Variants in TMEM196 observed in about 807,000 individuals in gnomAD.
TMEM196 encodes transmembrane protein 196.
A neutral mutation model predicts 20.0 loss-of-function variants in TMEM196; 17 were observed. That is an observed-to-expected ratio of 0.85 (90% CI 0.58 to 1.27). TMEM196 has a LOEUF of 1.27. TMEM196 is among the 50% of genes most tolerant of loss of function. The pLI, the probability that TMEM196 is intolerant of heterozygous loss-of-function variation, is 0.00. For missense variants in TMEM196, 267 were observed against 223.0 expected, an observed-to-expected ratio of 1.20 and a Z score of -1.26; for synonymous variants, 113 against 88.9, an observed-to-expected ratio of 1.27 and a Z score of -1.52.
chr7:19,768,801 C>T (rs1785739336), intron 1 of TMEM196, among the ~76,000 whole-genome samples: 1 of 152,080 alleles, frequency 6.6e-6, no homozygotes. Flanking sequence ...AAAAATTTAT[C>T]ACAGGAAGCA....
intron 1 of TMEM196, among the ~76,000 whole-genome samples, chr7:19,734,471 G>T: frequency 6.6e-6 from 1 of 152,280 alleles, no homozygotes; most frequent in East Asian, 1.9e-4. Flanking sequence ...CTTGAGATGG[G>T]GAGATTATTG....
intron 1 of TMEM196, among the ~76,000 whole-genome samples, chr7:19,769,665 A>C (rs1280630581): frequency 6.6e-6 from 1 of 152,128 alleles, no homozygotes; most frequent in Non-Finnish European, 1.5e-5. Flanking sequence ...TCCTGCATCC[A>C]TGAATACAAA....
chr7:19,722,825 AT>A (rs1432443970), intron 4 of TMEM196, among the ~76,000 whole-genome samples: 7 of 152,196 alleles, frequency 4.6e-5, no homozygotes, highest in African/African-American at 1.7e-4. Flanking sequence ...GAAATACATT[AT>A]GAAAAATTTT....
chr7:19,727,181 C>T (rs1305025473), intron 2 of TMEM196, among the ~76,000 whole-genome samples: 1 of 152,182 alleles, frequency 6.6e-6, no homozygotes, highest in African/African-American at 2.4e-5. Flanking sequence ...GCTGGCATTA[C>T]AATCAATCAT....
intron 1 of TMEM196, among the ~76,000 whole-genome samples, chr7:19,743,683 C>T (rs1029289843): frequency 2.6e-5 from 4 of 152,048 alleles, no homozygotes; most frequent in African/African-American, 9.7e-5. Context: ...CTTGAAATTT[C>T]CTGAGGGAGA....
intron 1 of TMEM196, among the ~76,000 whole-genome samples, chr7:19,770,259 G>T (rs1785816775): frequency 6.6e-6 from 1 of 152,022 alleles, no homozygotes; most frequent in African/African-American, 2.4e-5. Flanking sequence ...GTACCATTTT[G>T]TTTCCTCCAC....
At chr7:19,761,094 C>A (rs1348112875) in intron 1 of TMEM196, among the ~76,000 whole-genome samples, 2 of 152,180 alleles carry the variant, frequency 1.3e-5, no homozygotes, top group African/African-American at 4.8e-5. Context: ...CCTGGGCTCA[C>A]AATCCAGATC....
At chr7:19,760,872 A>G (rs1785407783) in intron 1 of TMEM196, among the ~76,000 whole-genome samples, 1 of 152,178 alleles carries the variant, frequency 6.6e-6, no homozygotes, top group South Asian at 2.1e-4. Context: ...AGAACCGAGG[A>G]GAGTAAGCGG....
intron 1 of TMEM196, among the ~76,000 whole-genome samples, chr7:19,741,234 A>C (rs763695595): frequency 1.7e-4 from 26 of 152,164 alleles, no homozygotes; most frequent in Non-Finnish European, 2.5e-4. Context: ...TTCGTTTGCA[A>C]TTACTGGCAT....
intron 1 of TMEM196, among the ~76,000 whole-genome samples, chr7:19,754,217 A>G (rs1242451453): frequency 1.3e-5 from 2 of 152,224 alleles, no homozygotes; most frequent in Non-Finnish European, 2.9e-5. Context: ...ATAGCTGTAA[A>G]TGTTAAATAA....
chr7:19,720,300 A>T lies in TMEM196; in HGVS notation c.*1828T>A, dbSNP rs2285924. 0.2 allele frequency: 29,779 copies of T among 151,922 alleles called. 3,124 individuals carry two copies. The highest frequency in any genetic ancestry group is 0.32 in the East Asian group (1,656 of 5,176). The allele number at this position is 151,922 out of a possible 1,614,324, so 9.4% of individuals were successfully genotyped here. Reference sequence around the variant, plus strand: ...TTTCTGTTGAATAGATGACAGCCAGAATTTTAAGTGAGCTGATTTAAATAG... The same window carrying T: ...TTTCTGTTGAATAGATGACAGCCAGTATTTTAAGTGAGCTGATTTAAATAG... On this transcript the variant is annotated 3_prime_UTR_variant, in exon 5 of 5. Coordinates refer to ENST00000405844, the MANE Select transcript of TMEM196 (RefSeq NM_001363562.2).
chr7:19,722,461 G>A (rs144279624), intron 4 of TMEM196, among the ~76,000 whole-genome samples: 59 of 152,158 alleles, frequency 3.9e-4, no homozygotes, highest in African/African-American at 1.3e-3. Flanking sequence ...GGTTAAATGC[G>A]CAAGTTTTTC....
At chr7:19,743,580 T>C (rs1273696888) in intron 1 of TMEM196, among the ~76,000 whole-genome samples, 1 of 152,144 alleles carries the variant, frequency 6.6e-6, no homozygotes, top group African/African-American at 2.4e-5. Flanking sequence ...AATTGGACTG[T>C]GAAAACGAAG....
intron 1 of TMEM196, among the ~76,000 whole-genome samples, chr7:19,759,701 C>A (rs952780468): frequency 6.6e-6 from 1 of 151,842 alleles, no homozygotes; most frequent in African/African-American, 2.4e-5. Context: ...TTATCTACTT[C>A]TCAAAAGACT....
At chr7:19,744,191 C>A (rs911730194) in intron 1 of TMEM196, among the ~76,000 whole-genome samples, 1 of 152,136 alleles carries the variant, frequency 6.6e-6, no homozygotes, top group Non-Finnish European at 1.5e-5. Context: ...TAACAGCTTT[C>A]AGCTTTCTCT....
At chr7:19,771,085 C>T (rs374163643) in intron 1 of TMEM196, among the ~76,000 whole-genome samples, 5 of 152,020 alleles carry the variant, frequency 3.3e-5, no homozygotes, top group South Asian at 2.1e-4. Flanking sequence ...AGTTTTAAAG[C>T]GTTATTTCTG....
chr7:19,730,262 G>GA (rs202189627), intron 1 of TMEM196, among the ~76,000 whole-genome samples: 33,225 of 119,648 alleles, frequency 0.28, 3,847 homozygotes, highest in Middle Eastern at 0.35. Flanking sequence ...TCTCAAAAAA[G>GA]AAAAAAAAAA....
chr7:19,772,885 A>G lies in TMEM196; in HGVS notation c.-189T>C. ...GACCTTCCCTGGCTGGGCCAGAGGC[A>G]AAGGAGCTGCTCCACCCCCTGGCAC... On this transcript the variant is annotated 5_prime_UTR_variant, in exon 1 of 5. Coordinates refer to ENST00000405844, the MANE Select transcript of TMEM196 (RefSeq NM_001363562.2). 1 of 469,790 alleles carries G rather than the reference A, an allele frequency of 2.1e-6. No individual in the cohort carries two copies. The highest frequency in any genetic ancestry group is 3.5e-6 in the Non-Finnish European group (1 of 283,738). The allele number at this position is 469,790 out of a possible 1,614,324, so 29.1% of individuals were successfully genotyped here.
rs67688333 is a variant in TMEM196 at position 19,733,660 on chromosome 7, T to A, written c.148-4222A>T. On this transcript the variant is annotated intron_variant, in intron 1 of 4. Transcript: ENST00000405844. Reference sequence around the variant, plus strand: ...GGAGGAAAAGTAGAAGATCCTTTTTTAAAAAAAAAAAAAAATACAGAGGGA... The same window carrying A: ...GGAGGAAAAGTAGAAGATCCTTTTTAAAAAAAAAAAAAAAATACAGAGGGA... Among the ~76,000 whole-genome samples, 295 of 67,862 alleles carry A rather than the reference T, an allele frequency of 4.3e-3. 1 individual carries two copies. The highest frequency in any genetic ancestry group is 0.04 in the East Asian group (30 of 750). 44.5% of individuals were successfully genotyped at this position (67,862 alleles called of 152,430 possible).
Sources: gnomAD v4.1 joint callset for allele counts (sites outside exome capture counted in the v4.1 genomes callset) on GRCh38, gnomAD v4.1.1 for gene constraint, MANE v1.5 for transcripts, NCBI Gene and HGNC (gene_info 2026-07-23, HGNC 2026-07-21) for gene names.